The following EPS15 variants were observed in gnomAD, a reference collection of about 807,000 sequenced individuals.
The protein encoded by EPS15 is epidermal growth factor receptor pathway substrate 15, also known as epidermal growth factor receptor substrate 15.
In EPS15, 72 loss-of-function variants were observed where a neutral mutation model predicts 113.8. The ratio of observed to expected loss-of-function variants is 0.63; its 90% CI spans 0.52 to 0.77. EPS15 has a LOEUF of 0.77. Among genes scored for constraint, EPS15 ranks in the 30% least tolerant of loss-of-function variants. The pLI, the probability that EPS15 is intolerant of heterozygous loss-of-function variation, is 0.00. For missense variants in EPS15, 1,048 were observed against 1,045.8 expected (o/e 1.00, Z -0.03); for synonymous variants, 344 against 363.4 (o/e 0.95, Z 0.61).
At chr1:51,377,003 C>G (rs1396871676) in intron 21 of EPS15, among the ~76,000 whole-genome samples, 3 of 151,952 alleles carry the variant, frequency 2.0e-5, no homozygotes, top group Admixed American at 6.6e-5. Flanking sequence ...TAGTGGCTCA[C>G]GCTTGTAATC....
intron 21 of EPS15, among the ~76,000 whole-genome samples, chr1:51,374,996 CT>C (rs761941054): frequency 3.1e-3 from 338 of 108,768 alleles, no homozygotes; most frequent in South Asian, 0.015. Flanking sequence ...TAATATACTT[CT>C]TTTTTTTTTT....
chr1:51,363,297 CAAAA>C (rs34317809), intron 23 of EPS15, among the ~76,000 whole-genome samples: 3 of 76,752 alleles, frequency 3.9e-5, no homozygotes, highest in Non-Finnish European at 2.6e-5. Flanking sequence ...GATTCCATCT[CAAAA>C]AAAAAAAAAA....
At chr1:51,436,900 G>C (rs1652193678) in intron 12 of EPS15, among the ~76,000 whole-genome samples, 1 of 152,118 alleles carries the variant, frequency 6.6e-6, no homozygotes, top group African/African-American at 2.4e-5. Context: ...TAGATGTTCA[G>C]ATGAAAACAC....
intron 1 of EPS15, among the ~76,000 whole-genome samples, chr1:51,508,208 GAA>G: frequency 2.2e-5 from 2 of 91,272 alleles, no homozygotes; most frequent in South Asian, 7.3e-4. Flanking sequence ...GAAAAGAAAA[GAA>G]AAGAAAAGAA....
chr1:51,358,297 TAAAAC>T (rs1371367531), intron 24 of EPS15, among the ~76,000 whole-genome samples: 3 of 152,006 alleles, frequency 2.0e-5, no homozygotes, highest in African/African-American at 4.8e-5. Flanking sequence ...AAAATAAAAA[TAAAAC>T]AAAAAGCATT....
At chr1:51,478,865 C>A (rs1023462246) in intron 2 of EPS15, among the ~76,000 whole-genome samples, 1 of 152,150 alleles carries the variant, frequency 6.6e-6, no homozygotes, top group Non-Finnish European at 1.5e-5. Flanking sequence ...GTAACGCGAC[C>A]TTTCTCTCTG....
chr1:51,450,068 C>T (rs1408989779), intron 8 of EPS15, among the ~76,000 whole-genome samples: 1 of 151,592 alleles, frequency 6.6e-6, no homozygotes, highest in East Asian at 1.9e-4. Flanking sequence ...CAAGAGATGG[C>T]CAAGGAGGTA....
intron 21 of EPS15, among the ~76,000 whole-genome samples, chr1:51,366,565 T>C (rs990585317): frequency 1.3e-5 from 2 of 152,178 alleles, no homozygotes; most frequent in African/African-American, 2.4e-5. Context: ...AATAAAGTAA[T>C]GATTTATAGG....
intron 1 of EPS15, chr1:51,490,254 T>A: frequency 2.2e-6 from 1 of 447,332 alleles, no homozygotes; most frequent in Non-Finnish European, 4.5e-6. Context: ...GATTTAGTCT[T>A]ATTATAAATG....
intron 1 of EPS15, among the ~76,000 whole-genome samples, chr1:51,492,704 AAAC>A (rs1042087933): frequency 5.9e-5 from 9 of 151,986 alleles, no homozygotes; most frequent in African/African-American, 2.2e-4. Context: ...TAGGCCAAAA[AAAC>A]AAACAAACAA....
At chr1:51,509,382 ATGG>A (rs1157465853) in intron 1 of EPS15, among the ~76,000 whole-genome samples, 3 of 152,160 alleles carry the variant, frequency 2.0e-5, no homozygotes, top group Non-Finnish European at 4.4e-5. Context: ...ATAAAAATTA[ATGG>A]CTCATATAAC....
chr1:51,369,497 C>T (rs1646593973), intron 21 of EPS15, among the ~76,000 whole-genome samples: 1 of 152,198 alleles, frequency 6.6e-6, no homozygotes. Flanking sequence ...TTAGTACCGC[C>T]TTTCCCCAAA....
chr1:51,368,333 G>A (rs1646555759), intron 21 of EPS15, among the ~76,000 whole-genome samples: 1 of 152,152 alleles, frequency 6.6e-6, no homozygotes, highest in South Asian at 2.1e-4. Flanking sequence ...CAAGACAGCT[G>A]TAGGCAAAGG....
chr1:51,371,945 C>A (rs1376521633), intron 21 of EPS15, among the ~76,000 whole-genome samples: 2 of 152,184 alleles, frequency 1.3e-5, no homozygotes, highest in Admixed American at 1.3e-4. Flanking sequence ...TGCGTTACAA[C>A]TGCCTACAGT....
chr1:51,371,961 G>C (rs1166849127), intron 21 of EPS15, among the ~76,000 whole-genome samples: 1 of 152,162 alleles, frequency 6.6e-6, no homozygotes, highest in Admixed American at 6.5e-5. Context: ...ACAGTATTCA[G>C]TATAGTATTC....
intron 21 of EPS15, among the ~76,000 whole-genome samples, chr1:51,380,491 A>T (rs1646916697): frequency 6.6e-6 from 1 of 152,184 alleles, no homozygotes; most frequent in African/African-American, 2.4e-5. Flanking sequence ...TCAGTTTAAA[A>T]TAGACTGTTA....
intron 1 of EPS15, among the ~76,000 whole-genome samples, chr1:51,507,974 G>A (rs1327388132): frequency 2.0e-5 from 3 of 151,494 alleles, no homozygotes; most frequent in African/African-American, 4.9e-5. Context: ...TCAGAAGATC[G>A]AGACCATCCT....
At chr1:51,402,284 T>G (rs529238919) in intron 18 of EPS15, 151 bp downstream of exon 18, 2 of 460,222 alleles carry the variant, frequency 4.3e-6, no homozygotes, top group Non-Finnish European at 4.0e-6. Context: ...GAGGCGGAGG[T>G]TGCAGTGAGC....
At chr1:51,437,636 C>T (rs1652258109) in intron 12 of EPS15, among the ~76,000 whole-genome samples, 1 of 151,846 alleles carries the variant, frequency 6.6e-6, no homozygotes, top group Admixed American at 6.6e-5. Context: ...ATGTGTGCCA[C>T]CACGCCTGTC....
Sources: gnomAD v4.1 joint callset for allele counts (sites outside exome capture counted in the v4.1 genomes callset) on GRCh38, gnomAD v4.1.1 for gene constraint, MANE v1.5 for transcripts, NCBI Gene and HGNC (gene_info 2026-07-23, HGNC 2026-07-21) for gene names.